RFX7: variants seen among roughly 807,000 people sequenced by gnomAD.
RFX7 encodes regulatory factor X7, also known as DNA-binding protein RFX7.
RFX7 carries 26 observed loss-of-function variants against 111.8 expected under a neutral mutation model. The observed-to-expected ratio is 0.23, with a 90% confidence interval of 0.17 to 0.32. The LOEUF (loss-of-function observed/expected upper bound fraction) is 0.32. Among genes scored for constraint, RFX7 ranks in the 10% least tolerant of loss-of-function variants. RFX7 has a pLI of 1.00. For synonymous variants in RFX7, 624 were observed against 624.4 expected (o/e 1.00, Z 0.01); for missense variants, 1,573 against 1,772.9 (o/e 0.89, Z 2.02).
chr15:56,188,855 CAG>C (rs762779551), intron 2 of RFX7, among the ~76,000 whole-genome samples: 6 of 152,194 alleles, frequency 3.9e-5, no homozygotes, highest in Non-Finnish European at 7.4e-5. Context: ...CTTTTTGAGA[CAG>C]AGTCTCACTT....
chr15:56,146,184 A>T (rs1225851615), intron 3 of RFX7, among the ~76,000 whole-genome samples: 2 of 152,038 alleles, frequency 1.3e-5, no homozygotes, highest in African/African-American at 4.8e-5. Flanking sequence ...TGCAGCCTCA[A>T]ACTCCTGGGC....
At chr15:56,244,321 C>T (rs1254541262), upstream of RFX7, 1 of 152,272 alleles carries the variant, frequency 6.6e-6, no homozygotes, top group African/African-American at 2.4e-5. Flanking sequence ...CAAAGAAGAA[C>T]ACCCGTTGGA....
In RFX7 at chr15:56,194,390, C is replaced by T. The variant is rs544301205; in HGVS notation, c.162-15087G>A. On this transcript the variant is annotated intron_variant, in intron 2 of 9. Coordinates refer to ENST00000559447, the MANE Select transcript of RFX7 (RefSeq NM_022841.7). The stretch of plus-strand genomic sequence containing the variant: ...GAGGAGGTATACTATAATAGATCAA[C>T]GAGAAGAAGCTCTTACATTCTATCC... 3.3e-5 allele frequency among the ~76,000 whole-genome samples: 5 copies of T among 152,042 alleles called. No individual in the cohort carries two copies. In the East Asian group the frequency reaches 7.7e-4, roughly 23 times the overall value.
At chr15:56,178,302 C>A (rs1264197378) in intron 3 of RFX7, among the ~76,000 whole-genome samples, 6 of 151,880 alleles carry the variant, frequency 4.0e-5, no homozygotes, top group African/African-American at 1.2e-4. Context: ...TGTAAGAGAA[C>A]TGATTAAATT....
chr15:56,158,391 A>G (rs937235637), intron 3 of RFX7, among the ~76,000 whole-genome samples: 2 of 152,228 alleles, frequency 1.3e-5, no homozygotes, highest in Admixed American at 6.5e-5. Context: ...AAAATATGTT[A>G]TTGCTTAAAA....
chr15:56,153,254 C>T (rs187246543), intron 3 of RFX7, among the ~76,000 whole-genome samples: 128 of 152,140 alleles, frequency 8.4e-4, no homozygotes, highest in Non-Finnish European at 1.5e-3. Context: ...AGAGACACAA[C>T]GAAAAAAGAA....
chr15:56,211,981 T>A (rs561263576), intron 2 of RFX7, among the ~76,000 whole-genome samples: 38 of 152,214 alleles, frequency 2.5e-4, no homozygotes, highest in African/African-American at 9.2e-4. Flanking sequence ...AATAGATTCC[T>A]ACCCTATGAC....
intron 2 of RFX7, among the ~76,000 whole-genome samples, chr15:56,223,661 A>G (rs1310491680): frequency 6.6e-6 from 1 of 152,084 alleles, no homozygotes; most frequent in Non-Finnish European, 1.5e-5. Context: ...AAAATGAACA[A>G]TTTTTCAAGA....
At chr15:56,198,296 G>A (rs886238676) in intron 2 of RFX7, among the ~76,000 whole-genome samples, 8 of 151,510 alleles carry the variant, frequency 5.3e-5, no homozygotes, top group Non-Finnish European at 8.8e-5. Context: ...AGAAAAAAAA[G>A]AATGGGACCT....
In RFX7 at chr15:56,095,348, C is replaced by T. The variant is rs762899288; in HGVS notation, c.2380G>A (p.Ala794Thr). 1.9e-6 allele frequency: 3 copies of T among 1,613,726 alleles called. No individual in the cohort carries two copies. The highest frequency in any genetic ancestry group is 2.2e-5 in the East Asian group (1 of 44,876). Residue 794 changes from alanine to threonine, a missense_variant, in exon 10 of 10, where the codon GCC becomes ACC. Around this residue, in one of 7 missense-constraint regions of RFX7, gnomAD observed 625 missense variants for 632.2 expected, o/e 0.99. Coordinates refer to ENST00000559447, the MANE Select transcript of RFX7 (RefSeq NM_022841.7). Reference protein sequence around the residue: ...QITKDSEFISASCEQQQDISV... With the variant: ...QITKDSEFISTSCEQQQDISV... ...ATATCTTGCTGTTGTTCACAACTGG[C>T]AGATATAAACTCAGAATCTTTAGTG...
intron 2 of RFX7, among the ~76,000 whole-genome samples, chr15:56,189,676 A>G: frequency 6.6e-6 from 1 of 152,230 alleles, no homozygotes; most frequent in East Asian, 1.9e-4. Flanking sequence ...AATACAAATC[A>G]AAATCGCAAC....
At chr15:56,104,048 T>C (rs2041796542) in intron 5 of RFX7, among the ~76,000 whole-genome samples, 1 of 152,128 alleles carries the variant, frequency 6.6e-6, no homozygotes, top group South Asian at 2.1e-4. Flanking sequence ...AATATACATA[T>C]CATGCACATC....
rs2041544236 is a variant in RFX7, at chr15:56,087,581, G to C, written c.*5764C>G. ...ACTTGGTAAGTGTCTCCACTTAACT[G>C]CAAGGGAAGTTGGCAGATGCAGCCT... On this transcript the variant is annotated 3_prime_UTR_variant, in exon 10 of 10. Transcript: ENST00000559447. The C allele has an allele frequency of 2.2e-6, 1 of 456,252 alleles. No homozygotes were observed. Among genetic ancestry groups the C allele is most frequent in the East Asian group, 6.9e-5 (1 of 14,406 alleles). The allele number at this position is 456,252 out of a possible 1,614,324, so 28.3% of individuals were successfully genotyped here.
At chr15:56,168,651 C>T (rs2042810068) in intron 3 of RFX7, among the ~76,000 whole-genome samples, 2 of 151,944 alleles carry the variant, frequency 1.3e-5, no homozygotes, top group Non-Finnish European at 2.9e-5. Flanking sequence ...GACTAGAAAA[C>T]AAAAGATGTC....
At chr15:56,164,567 G>A (rs1191729572) in intron 3 of RFX7, among the ~76,000 whole-genome samples, 1 of 152,154 alleles carries the variant, frequency 6.6e-6, no homozygotes, top group Non-Finnish European at 1.5e-5. Flanking sequence ...GAGAACTCAG[G>A]TACTACTGAA....
intron 2 of RFX7, among the ~76,000 whole-genome samples, chr15:56,188,549 T>C (rs116784398): frequency 4.1e-4 from 63 of 152,220 alleles, no homozygotes; most frequent in Admixed American, 8.5e-4. Flanking sequence ...AAAAGTAACA[T>C]TGCATGCAGT....
chr15:56,109,999 T>A (rs2041892783), intron 5 of RFX7, among the ~76,000 whole-genome samples: 1 of 132,490 alleles, frequency 7.5e-6, no homozygotes, highest in African/African-American at 2.9e-5. Context: ...AGCCGCCCCG[T>A]CCGGGAGGCG....
At chr15:56,144,816 C>CAGG (rs1271141566) in intron 3 of RFX7, among the ~76,000 whole-genome samples, 1 of 152,036 alleles carries the variant, frequency 6.6e-6, no homozygotes, top group Non-Finnish European at 1.5e-5. Context: ...AGTACTGGAC[C>CAGG]AGGAATCAAG....
At chr15:56,146,661 A>G (rs1021545765) in intron 3 of RFX7, among the ~76,000 whole-genome samples, 4 of 152,194 alleles carry the variant, frequency 2.6e-5, no homozygotes, top group African/African-American at 9.6e-5. Flanking sequence ...ATTAGTATTA[A>G]GCACCAAAGA....
Sources: allele counts gnomAD v4.1 joint callset (sites outside exome capture counted in the v4.1 genomes callset), GRCh38; gene constraint gnomAD v4.1.1; regional missense constraint gnomAD v4.1.1; transcripts MANE v1.5; gene names NCBI Gene and HGNC (gene_info 2026-07-23, HGNC 2026-07-21).